The following BMP1 variants were observed in gnomAD, a reference collection of about 807,000 sequenced individuals.
The protein encoded by BMP1 is mammalian tolloid protein.
In BMP1, 63 loss-of-function variants were observed where a neutral mutation model predicts 116.8. The ratio of observed to expected loss-of-function variants is 0.54; its 90% CI spans 0.44 to 0.67. The LOEUF (loss-of-function observed/expected upper bound fraction) is 0.67, where lower values mean the gene tolerates loss of function less well. Ranked by LOEUF, BMP1 falls within the 30% of genes least tolerant of loss-of-function variation. BMP1 has a pLI of 0.00. For missense variants in BMP1, 1,183 were observed against 1,358.9 expected, an observed-to-expected ratio of 0.87 and a Z score of 2.04; for synonymous variants, 536 against 533.4, an observed-to-expected ratio of 1.00 and a Z score of -0.07.
At chr8:22,176,850 CCCCT>C (rs1828452651) in intron 4 of BMP1, 107 bp from the exon 5 acceptor site, 1 of 1,023,312 alleles carries the variant, frequency 9.8e-7, no homozygotes, top group African/African-American at 1.6e-5. Context: ...TCAGGGCCCA[CCCCT>C]CCCCTTCGCT....
At chr8:22,198,180 A>G (rs1829146794) in intron 15 of BMP1, among the ~76,000 whole-genome samples, 1 of 152,174 alleles carries the variant, frequency 6.6e-6, no homozygotes, top group Admixed American at 6.5e-5. Flanking sequence ...AATTTTTTTA[A>G]AAAGGAGAAA....
chr8:22,175,703 CGTAT>C (rs1277597469), intron 2 of BMP1, among the ~76,000 whole-genome samples: 2 of 152,294 alleles, frequency 1.3e-5, no homozygotes, highest in East Asian at 3.9e-4. Context: ...ACCTAGCACA[CGTAT>C]GTTCTCTGTG....
chr8:22,199,238 C>A (rs148770691), intron 15 of BMP1: 2 of 1,367,564 alleles, frequency 1.5e-6, no homozygotes, highest in East Asian at 9.1e-5. Flanking sequence ...CCTCAGGGCC[C>A]GGGGCATCTG....
At chr8:22,171,453 A>G (rs1011961462) in intron 1 of BMP1, 3 of 152,238 alleles carry the variant, frequency 2.0e-5, no homozygotes, top group African/African-American at 7.2e-5. Flanking sequence ...CAACATTTAC[A>G]TAAGGTGTCA....
chr8:22,199,341 C>A (rs1374701211), intron 15 of BMP1: 1 of 1,339,306 alleles, frequency 7.5e-7, no homozygotes, highest in Non-Finnish European at 9.9e-7. Context: ...GCCTGAAGAC[C>A]TTCAGTCTGA....
chr8:22,196,463 C>G, intron 13 of BMP1: 8 of 631,072 alleles, frequency 1.3e-5, no homozygotes, highest in Middle Eastern at 4.3e-4. Context: ...ACTTATGACC[C>G]CTTAGCTCCC....
At chr8:22,171,235 T>G (rs1331268683) in intron 1 of BMP1, 1 of 152,198 alleles carries the variant, frequency 6.6e-6, no homozygotes, top group Non-Finnish European at 1.5e-5. Flanking sequence ...GTTATCGCCC[T>G]TCATAGGCTC....
intron 6 of BMP1, among the ~76,000 whole-genome samples, chr8:22,178,971 C>A (rs191068157): frequency 1.3e-5 from 2 of 152,174 alleles, no homozygotes; most frequent in Middle Eastern, 3.2e-3. Flanking sequence ...TTCTGCCCCC[C>A]ACACCCACAG....
chr8:22,191,594 C>T (rs1323299876), intron 8 of BMP1, among the ~76,000 whole-genome samples: 1 of 152,250 alleles, frequency 6.6e-6, no homozygotes, highest in South Asian at 2.1e-4. Context: ...CAAAGCAAGA[C>T]CCTGACTCAA....
intron 1 of BMP1, among the ~76,000 whole-genome samples, chr8:22,168,597 C>T (rs1019484468): frequency 2.6e-5 from 4 of 152,162 alleles, no homozygotes; most frequent in African/African-American, 9.7e-5. Flanking sequence ...CACTTACCAG[C>T]CCACATCCCC....
In BMP1 at chr8:22,188,177, G is replaced by GTT. The variant is rs759296888; in HGVS notation, c.1078-3852_1078-3851dup. On this transcript the variant is annotated intron_variant, in intron 8 of 19. Transcript: ENST00000306385. ...CCATTATGATCATTTCCAGTTTTGGGTTTTTTTTTTTTTTTTTTTTTCTGA... is the reference window on the plus strand; with the variant it reads ...CCATTATGATCATTTCCAGTTTTGGGTTTTTTTTTTTTTTTTTTTTTTTCTGA... 3.2e-3 allele frequency among the ~76,000 whole-genome samples: 393 copies of GTT among 124,580 alleles called. 6 individuals carry two copies. The highest frequency in any genetic ancestry group is 7.4e-3 in the African/African-American group (225 of 30,364). 81.7% of individuals were successfully genotyped at this position (124,580 alleles called of 152,430 possible). A position where few individuals can be genotyped will look rare whatever the true frequency, so the allele number is the denominator to read the frequency against.
At chr8:22,172,540 A>G (rs1172098096) in intron 1 of BMP1, among the ~76,000 whole-genome samples, 1 of 151,608 alleles carries the variant, frequency 6.6e-6, no homozygotes, top group Non-Finnish European at 1.5e-5. Flanking sequence ...GGAAGCTCCC[A>G]GAAGGTATCT....
rs773787666 is a variant in BMP1, at chr8:22,194,171, G to A, written c.1294G>A (p.Glu432Lys). The A allele has an allele frequency of 1.1e-5, 17 of 1,613,932 alleles. No homozygotes were observed. The South Asian group carries it at 1.3e-4, about 13-fold the overall frequency. ...WVGKGFFAVY[E>K]AICGGDVKKD... ...TGGAAAGGGCTTCTTTGCAGTCTAC[G>A]AAGGTACTGAGGAAGGCGGCGGGCG... Residue 432 changes from glutamate (E) to lysine (K), a missense_variant, in exon 10 of 20, where the codon GAA becomes AAA. Transcript: ENST00000306385. The surrounding 1 kb of genome is among the most constrained non-coding windows in gnomAD (Gnocchi z 4.5).
chr8:22,184,034 T>A (rs1311696055), intron 8 of BMP1, among the ~76,000 whole-genome samples: 1 of 152,242 alleles, frequency 6.6e-6, no homozygotes, highest in Non-Finnish European at 1.5e-5. Flanking sequence ...ACACAAGAGT[T>A]GGTGATTTCA....
At chr8:22,201,351 C>T (rs1159671241) in intron 15 of BMP1, 15 of 1,489,258 alleles carry the variant, frequency 1.0e-5, no homozygotes, top group Non-Finnish European at 1.2e-5. Context: ...GTGCTCTCTT[C>T]TCCCCACTGT....
In BMP1 at chr8:22,198,991, C is replaced by T. The variant is rs369217314; in HGVS notation, c.2107+1571C>T. The T allele has an allele frequency of 6.1e-6, 8 of 1,301,020 alleles. No homozygotes were observed. The African/African-American group carries it at 9.1e-5, about 15-fold the overall frequency. 80.6% of individuals were successfully genotyped at this position (1,301,020 alleles called of 1,614,324 possible). A position where few individuals can be genotyped will look rare whatever the true frequency, so the allele number is the denominator to read the frequency against. On this transcript the variant is annotated intron_variant, in intron 15 of 19. Transcript: ENST00000306385. ...CCCGGGAAACCATTACCTGCTTACT[C>T]TCGTCTCTTCCTGCCCTTCTGTTGC... is the stretch of plus-strand genomic sequence containing the variant.
chr8:22,177,122 G>A lies in BMP1; in HGVS notation c.713G>A (p.Arg238His), dbSNP rs1356018546. Residue 238 changes from arginine (R) to histidine (H), a missense_variant, in exon 5 of 20, where the codon CGT becomes CAT. By Grantham distance (29) the Arg-to-His change is conservative. Coordinates refer to ENST00000306385, the MANE Select transcript of BMP1 (RefSeq NM_006129.5). ...CGGGACCGCCACGTTTCCATCGTTC[G>A]TGAGAACATCCAGCCAGGTAGGTAC... ...PDRDRHVSIV[R>H]ENIQPGQEYN... is the part of the protein sequence containing the mutation. The A allele has an allele frequency of 1.9e-6, 3 of 1,608,084 alleles. No homozygotes were observed. Among genetic ancestry groups the A allele is most frequent in the East Asian group, 2.2e-5 (1 of 44,686 alleles).
intron 12 of BMP1, among the ~76,000 whole-genome samples, 163 bp from the exon 13 acceptor site, chr8:22,195,299 G>A (rs1829049879): frequency 6.6e-6 from 1 of 152,232 alleles, no homozygotes; most frequent in South Asian, 2.1e-4. Context: ...AACAGCACGT[G>A]AGAGACACCA....
At chr8:22,201,001 C>CCCCCCCCCCCAG in intron 15 of BMP1, 2 of 371,506 alleles carry the variant, frequency 5.4e-6, no homozygotes, top group Non-Finnish European at 1.0e-5. Flanking sequence ...CCGCCCCACC[C>CCCCCCCCCCCAG]TGCCCCTCAG....
Sources: allele counts gnomAD v4.1 joint callset (sites outside exome capture counted in the v4.1 genomes callset), GRCh38; gene constraint gnomAD v4.1.1; non-coding constraint Gnocchi (gnomAD v3.1); transcripts MANE v1.5; gene names NCBI Gene and HGNC (gene_info 2026-07-23, HGNC 2026-07-21).